The following ATP2C2 variants were observed in gnomAD, a reference collection of about 807,000 sequenced individuals.
ATP2C2 encodes ATPase secretory pathway Ca2+ transporting 2, also known as calcium-transporting ATPase type 2C member 2.
In ATP2C2, 171 loss-of-function variants were observed where a neutral mutation model predicts 110.8. The ratio of observed to expected loss-of-function variants is 1.54; its 90% confidence interval spans 1.36 to 1.75. The LOEUF (loss-of-function observed/expected upper bound fraction) is 1.75, where lower values mean the gene tolerates loss of function less well. ATP2C2 is among the 40% of genes most tolerant of loss of function. ATP2C2 has a pLI of 0.00. For missense variants in ATP2C2, 1,963 were observed against 1,235.0 expected (o/e 1.59, Z -8.84); for synonymous variants, 804 against 508.4 (o/e 1.58, Z -7.82).
chr16:84,389,588 C>T (rs1904525835), intron 1 of ATP2C2, among the ~76,000 whole-genome samples: 1 of 152,176 alleles, frequency 6.6e-6, no homozygotes, highest in South Asian at 2.1e-4. Flanking sequence ...CGGCAGCCCT[C>T]TTCGGGCCCC....
intron 11 of ATP2C2, among the ~76,000 whole-genome samples, chr16:84,429,129 T>G (rs11646694): frequency 0.37 from 56,600 of 151,856 alleles, 10,684 homozygotes; most frequent in South Asian, 0.4. Context: ...AGAACGATCT[T>G]CATGGCGTTG....
At chr16:84,461,220 T>TGGGG (rs1461008674) in intron 24 of ATP2C2, 112 of 259,586 alleles carry the variant, frequency 4.3e-4, no homozygotes, top group Admixed American at 4.2e-3. Flanking sequence ...CAGGGAGCTC[T>TGGGG]ATGCCAGGAC....
chr16:84,459,054 A>T (rs953553562), intron 21 of ATP2C2, 66 bp from the exon 22 acceptor site: 19 of 1,559,208 alleles, frequency 1.2e-5, no homozygotes, highest in South Asian at 5.6e-5. Flanking sequence ...CCTTGCAGCA[A>T]CCGATGCACT....
intron 1 of ATP2C2, among the ~76,000 whole-genome samples, chr16:84,382,283 G>C (rs1308067758): frequency 5.3e-5 from 8 of 152,166 alleles, no homozygotes. Flanking sequence ...ATGGTTTCCA[G>C]CTTCATCCAT....
At chr16:84,414,383 G>C (rs1036450227) in intron 6 of ATP2C2, among the ~76,000 whole-genome samples, 1 of 152,168 alleles carries the variant, frequency 6.6e-6, no homozygotes, top group Non-Finnish European at 1.5e-5. Context: ...TTGGTTCTTG[G>C]CTGGCTCTCC....
Position 84,395,810 on chromosome 16 carries a change from G to A in ATP2C2, c.100-2689G>A, listed in dbSNP as rs560054130. Among the ~76,000 whole-genome samples, 6 of 152,086 alleles carry A rather than the reference G, an allele frequency of 3.9e-5. No individual in the cohort carries two copies. The Middle Eastern group carries it at 0.01, about 259-fold the overall frequency. ...CCACTGTGTCTGGCCCTTTTCTTCTGGATTTTTATTGTGGTAAAATATACA... is the reference window on the plus strand; with the variant it reads ...CCACTGTGTCTGGCCCTTTTCTTCTAGATTTTTATTGTGGTAAAATATACA... On this transcript the variant is annotated intron_variant, in intron 1 of 26. Coordinates refer to ENST00000262429, the MANE Select transcript of ATP2C2 (RefSeq NM_014861.4).
intron 7 of ATP2C2, among the ~76,000 whole-genome samples, chr16:84,417,855 A>G (rs1329229488): frequency 6.6e-6 from 1 of 152,256 alleles, no homozygotes. Context: ...TTGCCTATTC[A>G]GTGGAAAATG....
chr16:84,449,508 G>C (rs247890), intron 17 of ATP2C2, among the ~76,000 whole-genome samples: 142,065 of 152,272 alleles, frequency 0.93, 66,301 homozygotes, highest in East Asian at 1. Context: ...AAGGAAGGCA[G>C]GAGAGCAGTG....
chr16:84,423,959 C>G (rs1248932297), intron 10 of ATP2C2, among the ~76,000 whole-genome samples: 2 of 152,206 alleles, frequency 1.3e-5, no homozygotes, highest in African/African-American at 2.4e-5. Context: ...GCCCCAGTCC[C>G]TTCTGGGGCT....
Position 84,408,400 on chromosome 16 carries a change from T to G in ATP2C2, c.328-5T>G, listed in dbSNP as rs374918518. 2.6e-4 allele frequency: 421 copies of G among 1,613,412 alleles called. No individual in the cohort carries two copies. Among genetic ancestry groups the G allele is most frequent in the Non-Finnish European group, 3.4e-4 (398 of 1,179,670 alleles). On this transcript the variant is annotated splice_region_variant and splice_polypyrimidine_tract_variant and intron_variant, in intron 3 of 26. Coordinates refer to ENST00000262429, the MANE Select transcript of ATP2C2 (RefSeq NM_014861.4). Reference sequence around the variant, plus strand: ...ACGTGCCCCACCCTGTTATTTCCTCTTCAGTTTAAGAACCCCCTGATCCTG... The same window carrying G: ...ACGTGCCCCACCCTGTTATTTCCTCGTCAGTTTAAGAACCCCCTGATCCTG...
chr16:84,459,339 G>A lies in ATP2C2; in HGVS notation c.2286G>A (p.Met762Ile), dbSNP rs747665012. The A allele has an allele frequency of 6.2e-7, 1 of 1,614,190 alleles. No individual in the cohort carries two copies. The highest frequency in any genetic ancestry group is 8.5e-7 in the Non-Finnish European group (1 of 1,180,030). ...VFNLPSPLNA[M>I]QILWINIIMD... Reference sequence around the variant, plus strand: ...ACCTGCCCAGCCCCCTCAACGCCATGCAGATCCTATGGATCAACATCATCA... The same window carrying A: ...ACCTGCCCAGCCCCCTCAACGCCATACAGATCCTATGGATCAACATCATCA... Residue 762 changes from methionine (M) to isoleucine (I), a missense_variant, in exon 23 of 27, where the codon ATG (methionine) becomes ATA (isoleucine). By Grantham distance (10) the Met-to-Ile change is conservative. Transcript: ENST00000262429.
chr16:84,435,103 A>G (rs1908621779), intron 11 of ATP2C2, among the ~76,000 whole-genome samples: 1 of 152,246 alleles, frequency 6.6e-6, no homozygotes, highest in South Asian at 2.1e-4. Flanking sequence ...ACCATTCACA[A>G]CCATTCTATT....
At chr16:84,423,095 G>T (rs1380609786) in intron 9 of ATP2C2, 93 bp from the exon 10 acceptor site, 1 of 1,066,540 alleles carries the variant, frequency 9.4e-7, no homozygotes, top group Non-Finnish European at 1.4e-6. Context: ...AATCATCACT[G>T]AAGCTGTAGG....
intron 15 of ATP2C2, among the ~76,000 whole-genome samples, chr16:84,445,684 T>C (rs2150574341): frequency 6.6e-6 from 1 of 152,334 alleles, no homozygotes; most frequent in East Asian, 1.9e-4. Context: ...GTTTAGGCAT[T>C]TCTTCCCTAA....
At chr16:84,443,234 G>T (rs758945654) in intron 15 of ATP2C2, among the ~76,000 whole-genome samples, 1 of 152,122 alleles carries the variant, frequency 6.6e-6, no homozygotes, top group African/African-American at 2.4e-5. Flanking sequence ...AGGAGGGGCC[G>T]GCAGAGGTTA....
intron 6 of ATP2C2, 32 bp downstream of exon 6, chr16:84,410,797 T>A (rs1906214899): frequency 6.3e-7 from 1 of 1,597,214 alleles, no homozygotes; most frequent in Non-Finnish European, 8.6e-7. Flanking sequence ...ACTTTTTGGT[T>A]CACTGGAGGA....
chr16:84,430,907 C>A (rs1024059576), intron 11 of ATP2C2, among the ~76,000 whole-genome samples: 1 of 152,028 alleles, frequency 6.6e-6, no homozygotes, highest in Non-Finnish European at 1.5e-5. Flanking sequence ...GCAACCCAAC[C>A]CCCCCACCTC....
intron 1 of ATP2C2, among the ~76,000 whole-genome samples, chr16:84,371,173 C>G (rs973530312): frequency 1.3e-5 from 2 of 152,070 alleles, no homozygotes; most frequent in African/African-American, 4.8e-5. Flanking sequence ...GGAGACGACC[C>G]CATGTTAGAA....
rs550085214 is a variant in ATP2C2 at position 84,453,299 on chromosome 16, T to C, written c.1930-22T>C. On this transcript the variant is annotated intron_variant, in intron 19 of 26. Transcript: ENST00000262429. ...CACAGCTTTGAAATCTGATTCTTCGTCTTCCCCGTCTCCGTGTCCAGGTGT... is the reference window on the plus strand; with the variant it reads ...CACAGCTTTGAAATCTGATTCTTCGCCTTCCCCGTCTCCGTGTCCAGGTGT... The C allele has an allele frequency of 1.2e-5, 20 of 1,614,098 alleles. No individual in the cohort carries two copies. In the South Asian group the frequency reaches 1.3e-4, roughly 11 times the overall value.
Sources: gnomAD v4.1 joint callset for allele counts (sites outside exome capture counted in the v4.1 genomes callset) on GRCh38, gnomAD v4.1.1 for gene constraint, MANE v1.5 for transcripts, NCBI Gene and HGNC (gene_info 2026-07-23, HGNC 2026-07-21) for gene names.